Variants in VNN1 observed in about 807,000 individuals in gnomAD.
The protein encoded by VNN1 is pantetheinase.
Under a neutral mutation model 41.9 loss-of-function variants are expected in VNN1, and 29 were observed. The ratio of observed to expected loss-of-function variants is 0.69; its 90% CI spans 0.52 to 0.94. VNN1 has a LOEUF of 0.94. Ranked by LOEUF, VNN1 falls within the 40% of genes least tolerant of loss-of-function variation. The pLI is 0.00. For synonymous variants in VNN1, 233 were observed against 224.4 expected, an observed-to-expected ratio of 1.04 and a Z score of -0.34; for missense variants, 637 against 621.1, an observed-to-expected ratio of 1.03 and a Z score of -0.27.
At position 132,683,028 on chromosome 6, in the gene VNN1, G is replaced by T; in HGVS notation, c.*112C>A. ...GTGTGTGTGTTTGTCTAAATAAAGA[G>T]AAACTAGTAATTCACTTATACTAGA... On this transcript the variant is annotated 3_prime_UTR_variant, in exon 7 of 7. Coordinates refer to ENST00000367928, the MANE Select transcript of VNN1 (RefSeq NM_004666.3). 4 of 855,076 alleles carry T rather than the reference G, an allele frequency of 4.7e-6. No homozygotes were observed. Among genetic ancestry groups the T allele is most frequent in the South Asian group, 2.4e-5 (1 of 42,360 alleles). 53.0% of individuals were successfully genotyped at this position (855,076 alleles called of 1,614,324 possible).
At chr6:132,690,813 A>C (rs1370986072) in intron 5 of VNN1, among the ~76,000 whole-genome samples, 20 of 152,234 alleles carry the variant, frequency 1.3e-4, no homozygotes, top group Admixed American at 1.3e-3. Flanking sequence ...GTCTCAAATA[A>C]GTAAGTGAAT....
intron 2 of VNN1, among the ~76,000 whole-genome samples, chr6:132,710,192 G>C (rs1778578868): frequency 6.6e-6 from 1 of 151,882 alleles, no homozygotes; most frequent in African/African-American, 2.4e-5. Context: ...TGGGATTATA[G>C]GTGCCCACCA....
At position 132,682,574 on chromosome 6, in the gene VNN1, T is replaced by G. The variant is rs1014250418; in HGVS notation, c.*566A>C. ...TCTTCTTTTATGATCATCAGTCATA[T>G]TGAATTAGGGTCTATCCTAATGACC... On this transcript the variant is annotated 3_prime_UTR_variant, in exon 7 of 7. Coordinates refer to ENST00000367928, the MANE Select transcript of VNN1 (RefSeq NM_004666.3). The G allele has an allele frequency of 3.9e-5, 6 of 152,330 alleles. No homozygotes were observed. Among genetic ancestry groups the G allele is most frequent in the African/African-American group, 1.4e-4 (6 of 41,450 alleles). The allele number at this position is 152,330 out of a possible 1,614,324, so 9.4% of individuals were successfully genotyped here.
At chr6:132,709,352 G>T (rs1180678926) in intron 2 of VNN1, among the ~76,000 whole-genome samples, 1 of 151,936 alleles carries the variant, frequency 6.6e-6, no homozygotes. Context: ...GACATAATAG[G>T]TACTCAAAAA....
chr6:132,711,617 A>G, intron 2 of VNN1, 92 bp downstream of exon 2: 2 of 1,413,028 alleles, frequency 1.4e-6, no homozygotes, highest in East Asian at 4.8e-5. Context: ...TTAAGAATTG[A>G]TCATGGATCT....
In VNN1 at chr6:132,682,947, G is replaced by A; in HGVS notation, c.*193C>T. The A allele has an allele frequency of 2.5e-6, 1 of 404,056 alleles. No homozygotes were observed. The highest frequency in any genetic ancestry group is 4.2e-6 in the Non-Finnish European group (1 of 240,848). The allele number at this position is 404,056 out of a possible 1,614,324, so 25.0% of individuals were successfully genotyped here. A position where few individuals can be genotyped will look rare whatever the true frequency, so the allele number is the denominator to read the frequency against. Reference sequence around the variant, plus strand: ...CAAGAAAGACCAATGTTCAAATATAGTTTTTTAAATAAAATCTACATTAAC... The same window carrying A: ...CAAGAAAGACCAATGTTCAAATATAATTTTTTAAATAAAATCTACATTAAC... On this transcript the variant is annotated 3_prime_UTR_variant, in exon 7 of 7. Transcript: ENST00000367928.
chr6:132,693,459 A>C, intron 3 of VNN1, 144 bp from the exon 4 acceptor site: 1 of 914,796 alleles, frequency 1.1e-6, no homozygotes, highest in Non-Finnish European at 1.6e-6. Flanking sequence ...TTTGCTTTAG[A>C]GAATCAGAGG....
rs182317463 is a variant in VNN1 at position 132,700,823 on chromosome 6, C to T, written c.342-6641G>A. Among the ~76,000 whole-genome samples the T allele has an allele frequency of 9.2e-5, 14 of 152,126 alleles. No individual in the cohort carries two copies. The South Asian group carries it at 1.2e-3, about 14-fold the overall frequency. On this transcript the variant is annotated intron_variant, in intron 2 of 6. Transcript: ENST00000367928. ...GTAATATTTAAGCAGACTTCAAATACGTTTGGGTTTTTTTCTGTTTGTTTC... is the reference window on the plus strand; with the variant it reads ...GTAATATTTAAGCAGACTTCAAATATGTTTGGGTTTTTTTCTGTTTGTTTC...
chr6:132,693,442 A>G, intron 3 of VNN1, 127 bp from the exon 4 acceptor site: 1 of 1,060,580 alleles, frequency 9.4e-7, no homozygotes, highest in South Asian at 1.8e-5. Flanking sequence ...TTTTCATGGG[A>G]AATGAGTTTG....
Position 132,694,134 on chromosome 6 carries a change from G to A in VNN1, c.390C>T (p.Asn130=). ...TATTTGCCACAACATAGATAGAGTT[G>A]TTCTTGGCCAGGCAGCTGAGTCTTT... ...VQERLSCLAK[N]NSIYVVANIG... is the part of the protein sequence containing the mutation. The change falls in exon 3 of 7, where the codon AAC becomes AAT. Residue 130 remains asparagine, a synonymous_variant. Coordinates refer to ENST00000367928, the MANE Select transcript of VNN1 (RefSeq NM_004666.3). The A allele has an allele frequency of 1.2e-6, 2 of 1,613,522 alleles. No homozygotes were observed. The highest frequency in any genetic ancestry group is 1.7e-6 in the Non-Finnish European group (2 of 1,179,730).
chr6:132,696,354 C>T (rs976421266), intron 2 of VNN1, among the ~76,000 whole-genome samples: 12 of 152,144 alleles, frequency 7.9e-5, no homozygotes, highest in African/African-American at 2.7e-4. Context: ...GTGTCCAACA[C>T]ATGCACTGTG....
At chr6:132,703,414 G>A (rs950274726) in intron 2 of VNN1, among the ~76,000 whole-genome samples, 1 of 152,142 alleles carries the variant, frequency 6.6e-6, no homozygotes, top group African/African-American at 2.4e-5. Context: ...TATGGGGGAT[G>A]AAGTTAAAGT....
chr6:132,684,560 AT>A lies in VNN1; in HGVS notation c.1189-56del, dbSNP rs1358525157. ...TAAGAAAGTCATGTGGGATATGTGA[AT>A]TTGCTTGATTTAATCATTTCACGGT... On this transcript the variant is annotated intron_variant, in intron 5 of 6. Transcript: ENST00000367928. 3.0e-5 allele frequency: 47 copies of A among 1,586,468 alleles called. No homozygotes were observed. In the African/African-American group the frequency reaches 5.9e-4, roughly 20 times the overall value.
intron 5 of VNN1, among the ~76,000 whole-genome samples, 198 bp from the exon 6 acceptor site, chr6:132,684,703 T>G (rs940180404): frequency 6.6e-6 from 1 of 151,560 alleles, no homozygotes; most frequent in Non-Finnish European, 1.5e-5. Flanking sequence ...AATAATTAAA[T>G]AAACTGCTAG....
rs1778319432 is a variant in VNN1, at chr6:132,693,282, C to A, written c.568G>T (p.Val190Leu). Residue 190 changes from valine to leucine, a missense_variant, in exon 4 of 7, where the codon GTA becomes TTA. By Grantham distance (32) the Val-to-Leu change is conservative. Transcript: ENST00000367928. The stretch of plus-strand genomic sequence containing the variant: ...GTCACAATCTCAGGCTCCTTGGGTA[C>A]ATTGAATTGATTTTCACCCATGAAA... ...NLFMGENQFN[V>L]PKEPEIVTFN... is the part of the protein sequence containing the mutation. 14 of 1,610,570 alleles carry A rather than the reference C, an allele frequency of 8.7e-6. No homozygotes were observed. Among genetic ancestry groups the A allele is most frequent in the Non-Finnish European group, 1.2e-5 (14 of 1,178,776 alleles).
chr6:132,693,150 A>G lies in VNN1; in HGVS notation c.700T>C (p.Phe234Leu). ...AAAACATTCATCCAAGCTGTTGGGAATACTATGGTGTCCACGTGGAAATCT... is the reference window on the plus strand; with the variant it reads ...AAAACATTCATCCAAGCTGTTGGGAGTACTATGGTGTCCACGTGGAAATCT... ...VKDFHVDTIV[F>L]PTAWMNVLPH... Residue 234 changes from phenylalanine to leucine, a missense_variant, in exon 4 of 7, where the codon TTC (phenylalanine) becomes CTC (leucine). By Grantham distance (22) the Phe-to-Leu change is conservative. Transcript: ENST00000367928. 6.2e-7 allele frequency: 1 copy of G among 1,614,136 alleles called. No individual in the cohort carries two copies. The highest frequency in any genetic ancestry group is 8.5e-7 in the Non-Finnish European group (1 of 1,180,004).
intron 2 of VNN1, among the ~76,000 whole-genome samples, chr6:132,698,510 A>G (rs187785014): frequency 4.6e-5 from 7 of 152,356 alleles, no homozygotes; most frequent in Admixed American, 6.5e-5. Context: ...CTTACTGAAG[A>G]AACAATGTGT....
At chr6:132,709,118 T>C (rs569741003) in intron 2 of VNN1, among the ~76,000 whole-genome samples, 1 of 152,234 alleles carries the variant, frequency 6.6e-6, no homozygotes, top group East Asian at 1.9e-4. Flanking sequence ...CTTTATTTTT[T>C]CCATAACATT....
chr6:132,685,538 G>A (rs1210069906), intron 5 of VNN1, among the ~76,000 whole-genome samples: 2 of 152,116 alleles, frequency 1.3e-5, no homozygotes, highest in African/African-American at 2.4e-5. Flanking sequence ...TAGGAAAATA[G>A]GAGGATAGAC....
Sources: gnomAD v4.1 joint callset for allele counts (sites outside exome capture counted in the v4.1 genomes callset) on GRCh38, gnomAD v4.1.1 for gene constraint, MANE v1.5 for transcripts, NCBI Gene and HGNC (gene_info 2026-07-23, HGNC 2026-07-21) for gene names.